Variants in FOXN3 observed in about 807,000 individuals in gnomAD.
FOXN3 encodes forkhead box protein N3.
In FOXN3, 7 loss-of-function variants were observed where a neutral mutation model predicts 38.4. That is an observed-to-expected ratio of 0.18 (90% CI 0.10 to 0.34). The LOEUF is 0.34. FOXN3 is among the 10% of genes least tolerant of loss of function. FOXN3 has a pLI of 1.00. For synonymous variants in FOXN3, 230 were observed against 242.2 expected (o/e 0.95, Z 0.47); for missense variants, 456 against 613.4 (o/e 0.74, Z 2.71).
chr14:89,521,753 C>CA lies in FOXN3; in HGVS notation c.-15+97274dup, dbSNP rs991178077. 2.0e-4 allele frequency among the ~76,000 whole-genome samples: 31 copies of CA among 151,516 alleles called. No individual in the cohort carries two copies. In the East Asian group the frequency reaches 2.5e-3, roughly 12 times the overall value. ...AAAAAAATTAAAGATCAAAACAAAA[C>CA]AAAAAAAATAGCGAATTTACTGAGG... On this transcript the variant is annotated intron_variant, in intron 1 of 6. Transcript: ENST00000345097.
At chr14:89,534,801 G>A (rs1430910451) in intron 1 of FOXN3, among the ~76,000 whole-genome samples, 2 of 152,168 alleles carry the variant, frequency 1.3e-5, no homozygotes, top group African/African-American at 2.4e-5. Context: ...TGCGCTAGGC[G>A]GTGGCCTCTA....
At chr14:89,610,779 A>G (rs976053462) in intron 1 of FOXN3, among the ~76,000 whole-genome samples, 1 of 152,212 alleles carries the variant, frequency 6.6e-6, no homozygotes, top group East Asian at 1.9e-4. Context: ...AGTTCCTGGT[A>G]TGCAGTAGGT....
At chr14:89,375,067 A>G (rs1386811343) in intron 2 of FOXN3, among the ~76,000 whole-genome samples, 7 of 152,136 alleles carry the variant, frequency 4.6e-5, no homozygotes, top group Non-Finnish European at 1.0e-4. Flanking sequence ...AAGTGGTCAC[A>G]CCACTTCTGT....
rs189865897 is a variant in FOXN3, at chr14:89,463,855, G to A, written c.-14-51365C>T. Among the ~76,000 whole-genome samples, 21 of 150,170 alleles carry A rather than the reference G, an allele frequency of 1.4e-4. No individual in the cohort carries two copies. In the East Asian group the frequency reaches 3.9e-3, roughly 28 times the overall value. On this transcript the variant is annotated intron_variant, in intron 1 of 6. Coordinates refer to the FOXN3 transcript ENST00000345097. The stretch of plus-strand genomic sequence containing the variant: ...ACTGGAGTGCAGTGACGCAATCTCA[G>A]CTCACTGCAACCTCTGCCTCCCAGG...
chr14:89,554,782 C>CTTTTTTTTTTTTTTTT (rs34530866), intron 1 of FOXN3, among the ~76,000 whole-genome samples: 2 of 68,590 alleles, frequency 2.9e-5, no homozygotes, highest in African/African-American at 1.0e-4. Flanking sequence ...ACTAGCATTT[C>CTTTTTTTTTTTTTTTT]TTTTTTTTTT....
At chr14:89,512,489 A>G (rs1037264961) in intron 1 of FOXN3, among the ~76,000 whole-genome samples, 4 of 152,202 alleles carry the variant, frequency 2.6e-5, no homozygotes, top group African/African-American at 9.7e-5. Context: ...AGTGACTAGG[A>G]AATATATGAG....
chr14:89,293,408 G>A (rs982116354), intron 3 of FOXN3, among the ~76,000 whole-genome samples: 4 of 152,206 alleles, frequency 2.6e-5, no homozygotes, highest in African/African-American at 9.7e-5. Context: ...AGAAGTCCAA[G>A]ATCAAGGGGT....
At chr14:89,452,053 C>G (rs1287659033) in intron 1 of FOXN3, among the ~76,000 whole-genome samples, 1 of 152,126 alleles carries the variant, frequency 6.6e-6, no homozygotes, top group East Asian at 1.9e-4. Context: ...TCCTTACCCT[C>G]TATTCCCTAG....
chr14:89,398,566 G>A (rs939501447), intron 2 of FOXN3, among the ~76,000 whole-genome samples: 2 of 152,154 alleles, frequency 1.3e-5, no homozygotes, highest in Admixed American at 6.5e-5. Flanking sequence ...ACAAGAAAAC[G>A]GAGGTTCAAG....
At position 89,266,718 on chromosome 14, in the gene FOXN3, G is replaced by C. The variant is rs557458631; in HGVS notation, c.745+14232C>G. ...TGGCGAATGAGCTCAGATCCTGGGG[G>C]AAATAAGTAAGGTGTCAGGGAAGAC... On this transcript the variant is annotated intron_variant, in intron 4 of 5. Transcript: ENST00000557258. 3.3e-5 allele frequency among the ~76,000 whole-genome samples: 5 copies of C among 152,268 alleles called. No homozygotes were observed. The South Asian group carries it at 1.0e-3, about 32-fold the overall frequency.
chr14:89,313,452 G>A (rs1887626926), intron 3 of FOXN3, among the ~76,000 whole-genome samples: 1 of 152,096 alleles, frequency 6.6e-6, no homozygotes, highest in Non-Finnish European at 1.5e-5. Context: ...CAGCTATTCG[G>A]GAGGCTGAAG....
chr14:89,499,177 C>A (rs1390488778), intron 1 of FOXN3, among the ~76,000 whole-genome samples: 7 of 152,250 alleles, frequency 4.6e-5, no homozygotes, highest in Admixed American at 3.9e-4. Flanking sequence ...GTCAGGGTAT[C>A]AGCGGGTCTT....
chr14:89,471,517 G>C (rs1354801138), intron 1 of FOXN3, among the ~76,000 whole-genome samples: 1 of 152,130 alleles, frequency 6.6e-6, no homozygotes, highest in Non-Finnish European at 1.5e-5. Context: ...CTAGGAGGCT[G>C]AGGTTGCAGT....
At chr14:89,449,226 C>A (rs550067170) in intron 1 of FOXN3, among the ~76,000 whole-genome samples, 6 of 152,334 alleles carry the variant, frequency 3.9e-5, no homozygotes, top group Middle Eastern at 3.4e-3. Context: ...CCAAACCTTC[C>A]CCATACCTAA....
chr14:89,481,797 A>G (rs1420503154), intron 1 of FOXN3, among the ~76,000 whole-genome samples: 1 of 152,226 alleles, frequency 6.6e-6, no homozygotes, highest in African/African-American at 2.4e-5. Context: ...GAAGAGTCTC[A>G]ATAAACAGTA....
chr14:89,606,138 A>C (rs1896270957), intron 1 of FOXN3, among the ~76,000 whole-genome samples: 1 of 152,232 alleles, frequency 6.6e-6, no homozygotes, highest in African/African-American at 2.4e-5. Flanking sequence ...ATGCCTCCCA[A>C]TGTTAAAACC....
In FOXN3 at chr14:89,548,978, G is replaced by A. The variant is rs1894941777; in HGVS notation, c.-15+70050C>T. Among the ~76,000 whole-genome samples, 1 of 151,992 alleles carries A rather than the reference G, an allele frequency of 6.6e-6. No individual in the cohort carries two copies. Among genetic ancestry groups the A allele is most frequent in the Admixed American group, 6.6e-5 (1 of 15,242 alleles). On this transcript the variant is annotated intron_variant, in intron 1 of 6. Coordinates refer to the FOXN3 transcript ENST00000345097. This position sits in a 1 kb window ranked among gnomAD's most constrained non-coding sequence, Gnocchi z 4.8. Reference sequence around the variant, plus strand: ...TACTGAAAATACAAAAATTAGCCAGGCGTAGTGGCCGGTGCTTGTAATCCC... The same window carrying A: ...TACTGAAAATACAAAAATTAGCCAGACGTAGTGGCCGGTGCTTGTAATCCC...
chr14:89,565,687 T>C (rs1376536075), intron 1 of FOXN3, among the ~76,000 whole-genome samples: 1 of 152,140 alleles, frequency 6.6e-6, no homozygotes, highest in Non-Finnish European at 1.5e-5. Flanking sequence ...GGAAACCACT[T>C]TCAAACTCCA....
chr14:89,199,706 C>T (rs1465291492), intron 4 of FOXN3, among the ~76,000 whole-genome samples: 1 of 152,104 alleles, frequency 6.6e-6, no homozygotes, highest in African/African-American at 2.4e-5. Flanking sequence ...AGTTCAAGAC[C>T]AGCCTGGCCA....
Sources: allele counts gnomAD v4.1 joint callset (sites outside exome capture counted in the v4.1 genomes callset), GRCh38; gene constraint gnomAD v4.1.1; non-coding constraint Gnocchi (gnomAD v3.1); transcripts MANE v1.5; gene names NCBI Gene and HGNC (gene_info 2026-07-23, HGNC 2026-07-21).